The following XKR9 variants were observed in gnomAD, a reference collection of about 807,000 sequenced individuals.
XKR9 encodes XK related 9.
Under a neutral mutation model 32.0 loss-of-function variants are expected in XKR9, and 32 were observed. That is an observed-to-expected ratio of 1.00 (90% CI 0.76 to 1.34). The LOEUF (loss-of-function observed/expected upper bound fraction) is 1.34. Among genes scored for constraint, XKR9 ranks in the 40% most tolerant of loss-of-function variants. The pLI, the probability that XKR9 is intolerant of heterozygous loss-of-function variation, is 0.00. For missense variants in XKR9, 546 were observed against 429.7 expected, an observed-to-expected ratio of 1.27 and a Z score of -2.39; for synonymous variants, 168 against 143.4, an observed-to-expected ratio of 1.17 and a Z score of -1.22.
intron 2 of XKR9, among the ~76,000 whole-genome samples, chr8:70,772,193 G>A (rs1807462687): frequency 6.6e-6 from 1 of 152,118 alleles, no homozygotes; most frequent in Non-Finnish European, 1.5e-5. Context: ...GATCAGGATT[G>A]TATCTTATTC....
At chr8:71,040,254 A>T in the XKR9 span, among the ~76,000 whole-genome samples, 3 of 152,168 alleles carry the variant, frequency 2.0e-5, no homozygotes, top group African/African-American at 4.8e-5. Context: ...GAAAGGAGGG[A>T]GAGAGAAGAA....
At chr8:70,819,241 CT>C in the XKR9 span, among the ~76,000 whole-genome samples, 1 of 152,188 alleles carries the variant, frequency 6.6e-6, no homozygotes, top group East Asian at 1.9e-4. Flanking sequence ...GATAAGATGC[CT>C]GCATATGTCT....
intron 4 of XKR9, among the ~76,000 whole-genome samples, chr8:70,717,100 C>A (rs1165944286): frequency 6.6e-6 from 1 of 152,234 alleles, no homozygotes; most frequent in East Asian, 1.9e-4. Context: ...ATGGCCTTGG[C>A]AGCTCTGCCC....
chr8:70,776,923 T>TCTC lies in XKR9; in HGVS notation n.353-12416_353-12415insCTC, dbSNP rs1563477157. On this transcript the variant is annotated intron_variant and non_coding_transcript_variant, in intron 2 of 3. Transcript: ENST00000520273. ...TGCATTTAGCAGGTTTTCTCTTTCTTTCTCTCTCTCTCTCTCTCTCTCTCT... is the reference window on the plus strand; with the variant it reads ...TGCATTTAGCAGGTTTTCTCTTTCTTCTCTCTCTCTCTCTCTCTCTCTCTCTCT... Among the ~76,000 whole-genome samples, 40 of 59,600 alleles carry TCTC rather than the reference T, an allele frequency of 6.7e-4. 1 individual carries two copies. Among genetic ancestry groups the TCTC allele is most frequent in the Non-Finnish European group, 9.6e-4 (30 of 31,112 alleles). 39.1% of individuals were successfully genotyped at this position (59,600 alleles called of 152,430 possible).
At chr8:70,896,383 T>C in the XKR9 span, among the ~76,000 whole-genome samples, 1 of 152,132 alleles carries the variant, frequency 6.6e-6, no homozygotes, top group African/African-American at 2.4e-5. Flanking sequence ...TACAGTAATA[T>C]TTAGATTTTC....
chr8:70,744,843 T>C (rs1308232836), intron 2 of XKR9, among the ~76,000 whole-genome samples: 1 of 150,418 alleles, frequency 6.6e-6, no homozygotes, highest in Non-Finnish European at 1.5e-5. Context: ...TGGCCTCAAG[T>C]GATCTACCTG....
At chr8:70,939,260 G>A in the XKR9 span, among the ~76,000 whole-genome samples, 1 of 152,078 alleles carries the variant, frequency 6.6e-6, no homozygotes, top group African/African-American at 2.4e-5. Flanking sequence ...ACGTTAAAAT[G>A]TATTGGTCAG....
At chr8:70,684,565 A>G (rs1199277018) in intron 3 of XKR9, among the ~76,000 whole-genome samples, 1 of 122,498 alleles carries the variant, frequency 8.2e-6, no homozygotes, top group Non-Finnish European at 2.0e-5. Flanking sequence ...ATATAATTAT[A>G]TTTAATTGGT....
intron 2 of XKR9, among the ~76,000 whole-genome samples, chr8:70,751,197 G>A (rs944994731): frequency 4.6e-5 from 7 of 152,064 alleles, no homozygotes; most frequent in Non-Finnish European, 1.0e-4. Flanking sequence ...GGCGCGATTC[G>A]GCTCACTGCA....
intron 4 of XKR9, among the ~76,000 whole-genome samples, chr8:70,724,794 G>C (rs1326144383): frequency 6.6e-6 from 1 of 152,164 alleles, no homozygotes; most frequent in Non-Finnish European, 1.5e-5. Context: ...CTTGTTGGGA[G>C]CTGCAGACCG....
chr8:70,856,738 G>A, the XKR9 span, among the ~76,000 whole-genome samples: 6 of 152,144 alleles, frequency 3.9e-5, no homozygotes, highest in Non-Finnish European at 7.4e-5. Context: ...GTACTCCTCA[G>A]CAAATGTAAA....
chr8:70,866,765 A>C, the XKR9 span, among the ~76,000 whole-genome samples: 160 of 152,038 alleles, frequency 1.1e-3, 1 homozygote, highest in African/African-American at 3.8e-3. Flanking sequence ...GATTGCAGGC[A>C]TGAGCCACCA....
chr8:70,898,787 A>C, the XKR9 span, among the ~76,000 whole-genome samples: 1 of 152,046 alleles, frequency 6.6e-6, no homozygotes, highest in Non-Finnish European at 1.5e-5. Flanking sequence ...GGATATTTTC[A>C]CTGGATATAG....
chr8:70,746,464 TATA>T (rs1356120266), intron 2 of XKR9, among the ~76,000 whole-genome samples: 5 of 148,092 alleles, frequency 3.4e-5, no homozygotes, highest in African/African-American at 9.8e-5. Flanking sequence ...ACATATAAAA[TATA>T]ATTATATATT....
chr8:70,849,323 G>A, the XKR9 span, among the ~76,000 whole-genome samples: 2 of 152,214 alleles, frequency 1.3e-5, no homozygotes, highest in East Asian at 1.9e-4. Flanking sequence ...ACTCAAAACT[G>A]CAAAACTACA....
At chr8:70,755,820 T>C (rs1807215690) in intron 2 of XKR9, among the ~76,000 whole-genome samples, 1 of 150,010 alleles carries the variant, frequency 6.7e-6, no homozygotes, top group Admixed American at 6.6e-5. Flanking sequence ...AAATGACGAG[T>C]TAATGGGTGC....
the XKR9 span, among the ~76,000 whole-genome samples, chr8:70,829,403 C>T: frequency 6.6e-6 from 1 of 152,136 alleles, no homozygotes; most frequent in African/African-American, 2.4e-5. Flanking sequence ...ATTTCTGGAC[C>T]AAGGGTTTGA....
downstream of XKR9, among the ~76,000 whole-genome samples, chr8:70,736,862 T>G (rs1346520459): frequency 6.6e-6 from 1 of 151,740 alleles, no homozygotes; most frequent in African/African-American, 2.4e-5. Context: ...GCTGTTTTGG[T>G]TACTGTAGCC....
At chr8:70,915,163 G>C in the XKR9 span, among the ~76,000 whole-genome samples, 1 of 152,058 alleles carries the variant, frequency 6.6e-6, no homozygotes, top group East Asian at 1.9e-4. Context: ...AGGTCCATTA[G>C]AATACAGGGT....
Sources: allele counts gnomAD v4.1 joint callset (sites outside exome capture counted in the v4.1 genomes callset), GRCh38; gene constraint gnomAD v4.1.1; transcripts MANE v1.5; gene names NCBI Gene and HGNC (gene_info 2026-07-23, HGNC 2026-07-21).